Variants in NCAM2 observed in about 807,000 individuals in gnomAD.
The protein encoded by NCAM2 is N-CAM-2.
Under a neutral mutation model 98.1 loss-of-function variants are expected in NCAM2, and 30 were observed. The ratio of observed to expected loss-of-function variants is 0.31; its 90% CI spans 0.23 to 0.41. The LOEUF (loss-of-function observed/expected upper bound fraction) is 0.41. Ranked by LOEUF, NCAM2 falls within the 10% of genes least tolerant of loss-of-function variation. The pLI, the probability that NCAM2 is intolerant of heterozygous loss-of-function variation, is 1.00. For missense variants in NCAM2, 867 were observed against 1,005.8 expected (o/e 0.86, Z 1.87); for synonymous variants, 368 against 342.4 (o/e 1.07, Z -0.83).
At chr21:21,341,168 C>G (rs759399376) in intron 8 of NCAM2, among the ~76,000 whole-genome samples, 1 of 151,978 alleles carries the variant, frequency 6.6e-6, no homozygotes, top group Non-Finnish European at 1.5e-5. Flanking sequence ...CTTGTTGCCT[C>G]TGTAAAGTAT....
intron 5 of NCAM2, among the ~76,000 whole-genome samples, chr21:21,305,053 C>T (rs1270982929): frequency 6.6e-6 from 1 of 152,152 alleles, no homozygotes; most frequent in African/African-American, 2.4e-5. Flanking sequence ...CACAGTGGCT[C>T]ACGCCTGTAA....
intron 1 of NCAM2, among the ~76,000 whole-genome samples, chr21:21,008,348 A>G (rs2064147838): frequency 6.6e-6 from 1 of 152,192 alleles, no homozygotes; most frequent in South Asian, 2.1e-4. Context: ...TGAATCATCA[A>G]AGGGTAAGAA....
intron 1 of NCAM2, among the ~76,000 whole-genome samples, chr21:21,051,889 C>T (rs767005428): frequency 2.6e-5 from 4 of 152,138 alleles, no homozygotes; most frequent in Admixed American, 6.5e-5. Flanking sequence ...CACAGATAAG[C>T]GACTGCAAAA....
chr21:21,404,754 A>C (rs932729676), intron 9 of NCAM2, among the ~76,000 whole-genome samples: 1 of 151,742 alleles, frequency 6.6e-6, no homozygotes, highest in Non-Finnish European at 1.5e-5. Flanking sequence ...GAATATGTAT[A>C]TATTCATATG....
chr21:21,196,791 C>T (rs1384912501), intron 1 of NCAM2, among the ~76,000 whole-genome samples: 1 of 152,180 alleles, frequency 6.6e-6, no homozygotes, highest in Non-Finnish European at 1.5e-5. Context: ...ATCTCATGCC[C>T]GCTTGTTATC....
intron 8 of NCAM2, among the ~76,000 whole-genome samples, chr21:21,339,875 T>A (rs540357184): frequency 6.6e-6 from 1 of 151,936 alleles, no homozygotes; most frequent in Admixed American, 6.6e-5. Context: ...CATAATGGCA[T>A]TTTAAGAGAT....
At chr21:21,439,264 G>C (rs924320045) in intron 12 of NCAM2, among the ~76,000 whole-genome samples, 2 of 151,848 alleles carry the variant, frequency 1.3e-5, no homozygotes, top group Non-Finnish European at 2.9e-5. Flanking sequence ...GATTACAGGT[G>C]CGCGCCATCA....
chr21:21,140,261 C>T (rs936559965), intron 1 of NCAM2, among the ~76,000 whole-genome samples: 1 of 152,056 alleles, frequency 6.6e-6, no homozygotes, highest in African/African-American at 2.4e-5. Flanking sequence ...GAAATTTAAA[C>T]ACAGTTTGGT....
At chr21:21,328,232 A>G (rs1373022453) in intron 6 of NCAM2, among the ~76,000 whole-genome samples, 7 of 152,142 alleles carry the variant, frequency 4.6e-5, no homozygotes, top group Non-Finnish European at 7.3e-5. Context: ...TGGTAGTTAC[A>G]CTAGTGTAAA....
chr21:21,185,863 A>T (rs1191679819), intron 1 of NCAM2, among the ~76,000 whole-genome samples: 1 of 152,198 alleles, frequency 6.6e-6, no homozygotes, highest in Non-Finnish European at 1.5e-5. Context: ...GAAAAGGAAT[A>T]AGAAGAAAGT....
At chr21:21,198,723 C>A (rs1167104906) in intron 1 of NCAM2, among the ~76,000 whole-genome samples, 2 of 152,184 alleles carry the variant, frequency 1.3e-5, no homozygotes, top group Non-Finnish European at 2.9e-5. Flanking sequence ...TGGCTATAAA[C>A]TTCCCTGTTT....
intron 1 of NCAM2, among the ~76,000 whole-genome samples, chr21:21,110,169 A>G (rs1456410706): frequency 1.3e-5 from 2 of 152,218 alleles, no homozygotes; most frequent in African/African-American, 2.4e-5. Flanking sequence ...CGTCCTCATG[A>G]CAGAAAAAAA....
intron 12 of NCAM2, among the ~76,000 whole-genome samples, chr21:21,462,322 G>A (rs1983086094): frequency 6.6e-6 from 1 of 152,044 alleles, no homozygotes; most frequent in Non-Finnish European, 1.5e-5. Flanking sequence ...GCCAGGGTTT[G>A]AGAAAGGAAA....
chr21:21,243,467 A>G (rs551263673), intron 1 of NCAM2, among the ~76,000 whole-genome samples: 7 of 152,304 alleles, frequency 4.6e-5, no homozygotes, highest in African/African-American at 1.4e-4. Context: ...TAAGAAGTAC[A>G]GACATGCTTG....
intron 1 of NCAM2, among the ~76,000 whole-genome samples, chr21:21,063,210 C>CTTTTTTTTTTTT (rs11325446): frequency 1.4e-4 from 9 of 66,052 alleles, no homozygotes; most frequent in African/African-American, 4.5e-4. Context: ...TCTTTACATT[C>CTTTTTTTTTTTT]TTTTTTTTTT....
intron 1 of NCAM2, among the ~76,000 whole-genome samples, chr21:21,241,185 A>G (rs2071052101): frequency 6.6e-6 from 1 of 152,176 alleles, no homozygotes; most frequent in Non-Finnish European, 1.5e-5. Flanking sequence ...GTTTTTGGAC[A>G]TTTAGAATGT....
intron 6 of NCAM2, among the ~76,000 whole-genome samples, chr21:21,332,589 A>G (rs185653967): frequency 1.1e-4 from 16 of 152,220 alleles, no homozygotes; most frequent in African/African-American, 3.9e-4. Context: ...ATTGATCAAT[A>G]CTCAGTTAAA....
intron 1 of NCAM2, among the ~76,000 whole-genome samples, chr21:21,232,792 T>A (rs747069687): frequency 2.6e-5 from 4 of 151,642 alleles, no homozygotes; most frequent in Non-Finnish European, 5.9e-5. Flanking sequence ...TCTATCAGTG[T>A]CATAAACTGT....
intron 15 of NCAM2, among the ~76,000 whole-genome samples, chr21:21,494,788 G>C (rs80252926): frequency 6.6e-6 from 1 of 151,556 alleles, no homozygotes; most frequent in Non-Finnish European, 1.5e-5. Context: ...GATTTTTCAT[G>C]GTTTACAGTT....
Sources: gnomAD v4.1 joint callset for allele counts (sites outside exome capture counted in the v4.1 genomes callset) on GRCh38, gnomAD v4.1.1 for gene constraint, MANE v1.5 for transcripts, NCBI Gene and HGNC (gene_info 2026-07-23, HGNC 2026-07-21) for gene names.